GKAP1: variants seen among roughly 807,000 people sequenced by gnomAD.
The protein encoded by GKAP1 is G kinase-anchoring protein 1.
In GKAP1, 31 loss-of-function variants were observed where a neutral mutation model predicts 56.7. The observed-to-expected ratio is 0.55, with a 90% confidence interval of 0.41 to 0.74. The LOEUF is 0.74. Ranked by LOEUF, GKAP1 falls within the 30% of genes least tolerant of loss-of-function variation. The pLI is 0.00. For synonymous variants in GKAP1, 151 were observed against 138.6 expected, an observed-to-expected ratio of 1.09 and a Z score of -0.63; for missense variants, 364 against 402.3, an observed-to-expected ratio of 0.90 and a Z score of 0.82.
At chr9:83,797,981 G>T (rs1434301859) in intron 4 of GKAP1, among the ~76,000 whole-genome samples, 1 of 152,084 alleles carries the variant, frequency 6.6e-6, no homozygotes, top group Admixed American at 6.5e-5. Context: ...CCTAGAAACA[G>T]TACAAGATGA....
At chr9:83,803,684 G>T (rs1302705323) in intron 3 of GKAP1, among the ~76,000 whole-genome samples, 1 of 151,832 alleles carries the variant, frequency 6.6e-6, no homozygotes, top group Non-Finnish European at 1.5e-5. Flanking sequence ...CCCCGTCTGG[G>T]AAGTGAGGAG....
chr9:83,804,861 C>A (rs1446828817), intron 3 of GKAP1, among the ~76,000 whole-genome samples: 2 of 146,320 alleles, frequency 1.4e-5, no homozygotes, highest in Non-Finnish European at 3.0e-5. Flanking sequence ...GTCAGCCCCC[C>A]GCCCGGCCAG....
intron 10 of GKAP1, among the ~76,000 whole-genome samples, chr9:83,746,432 G>T (rs1397663734): frequency 6.6e-6 from 1 of 152,156 alleles, no homozygotes; most frequent in Non-Finnish European, 1.5e-5. Context: ...GCTGGGCGTG[G>T]TGGCTCATGC....
intron 8 of GKAP1, among the ~76,000 whole-genome samples, chr9:83,760,426 T>C (rs1292901321): frequency 1.3e-5 from 2 of 152,132 alleles, no homozygotes; most frequent in African/African-American, 4.8e-5. Flanking sequence ...AGCTGGTGAC[T>C]TCAACACTCC....
intron 4 of GKAP1, among the ~76,000 whole-genome samples, chr9:83,789,733 T>C (rs1467105529): frequency 6.6e-6 from 1 of 151,004 alleles, no homozygotes; most frequent in African/African-American, 2.4e-5. Context: ...TCCTTTTTTT[T>C]CCTCCCAGGA....
intron 2 of GKAP1, among the ~76,000 whole-genome samples, chr9:83,809,355 C>T (rs957817931): frequency 6.6e-6 from 1 of 152,222 alleles, no homozygotes; most frequent in African/African-American, 2.4e-5. Flanking sequence ...CAAGAAACCT[C>T]ATCCGGTGCT....
intron 5 of GKAP1, among the ~76,000 whole-genome samples, chr9:83,787,931 G>A (rs766693368): frequency 6.6e-6 from 1 of 152,134 alleles, no homozygotes; most frequent in Non-Finnish European, 1.5e-5. Flanking sequence ...CCCCTGTACT[G>A]TAATAGCCCA....
intron 8 of GKAP1, among the ~76,000 whole-genome samples, chr9:83,768,082 G>A (rs1305924940): frequency 6.6e-6 from 1 of 152,126 alleles, no homozygotes; most frequent in East Asian, 1.9e-4. Flanking sequence ...TGATTCATGG[G>A]CTATAGCTTG....
chr9:83,801,202 T>A (rs1207697545), intron 3 of GKAP1, among the ~76,000 whole-genome samples: 1 of 152,142 alleles, frequency 6.6e-6, no homozygotes, highest in African/African-American at 2.4e-5. Context: ...AGGCAGAGAT[T>A]GGGGTGAGGA....
intron 4 of GKAP1, among the ~76,000 whole-genome samples, chr9:83,797,114 G>A (rs1944260936): frequency 6.6e-6 from 1 of 152,160 alleles, no homozygotes; most frequent in Non-Finnish European, 1.5e-5. Flanking sequence ...TGTCCATCTG[G>A]TTAGGTGTTT....
At chr9:83,746,845 T>C (rs1472745913) in intron 10 of GKAP1, among the ~76,000 whole-genome samples, 1 of 152,266 alleles carries the variant, frequency 6.6e-6, no homozygotes, top group Non-Finnish European at 1.5e-5. Flanking sequence ...ATGTACAATT[T>C]CAACAAATAT....
At chr9:83,799,384 TG>T in intron 3 of GKAP1, 56 bp from the exon 4 acceptor site, 1 of 1,259,266 alleles carries the variant, frequency 7.9e-7, no homozygotes, top group Non-Finnish European at 1.1e-6. Flanking sequence ...GGGATACTAA[TG>T]ATTTTTTTAA....
chr9:83,789,224 A>G (rs1944114823), intron 4 of GKAP1: 1 of 152,216 alleles, frequency 6.6e-6, no homozygotes, highest in African/African-American at 2.4e-5. Flanking sequence ...GGTTGCTTTA[A>G]GTCATCTAAT....
intron 8 of GKAP1, among the ~76,000 whole-genome samples, chr9:83,757,182 A>C (rs1943491858): frequency 6.6e-6 from 1 of 152,088 alleles, no homozygotes; most frequent in Non-Finnish European, 1.5e-5. Flanking sequence ...AGTGAGAGAG[A>C]GCTTCTGGGA....
intron 2 of GKAP1, among the ~76,000 whole-genome samples, chr9:83,808,571 G>A (rs1944468958): frequency 6.6e-6 from 1 of 152,086 alleles, no homozygotes; most frequent in Admixed American, 6.6e-5. Flanking sequence ...ACTCCAGCCT[G>A]AGCAACGGAG....
chr9:83,779,148 T>C (rs888213503), intron 7 of GKAP1, among the ~76,000 whole-genome samples: 2 of 152,044 alleles, frequency 1.3e-5, no homozygotes, highest in African/African-American at 4.8e-5. Context: ...TTCAAAAGTA[T>C]GTTTTCCACT....
chr9:83,744,587 T>G (rs1943259625), intron 10 of GKAP1, among the ~76,000 whole-genome samples: 1 of 152,266 alleles, frequency 6.6e-6, no homozygotes, highest in Non-Finnish European at 1.5e-5. Flanking sequence ...ACTGCGTTAC[T>G]GTTTTTATTA....
At chr9:83,783,288 G>A (rs545971391) in intron 6 of GKAP1, among the ~76,000 whole-genome samples, 6 of 152,130 alleles carry the variant, frequency 3.9e-5, no homozygotes, top group Non-Finnish European at 7.3e-5. Context: ...CTATTCTGAC[G>A]GGTATAGACA....
At position 83,746,473 on chromosome 9, in the gene GKAP1, C is replaced by T. The variant is rs560076847; in HGVS notation, c.904+1836G>A. On this transcript the variant is annotated intron_variant, in intron 10 of 12. Transcript: ENST00000376371. ...ATCCCAACACTTTGGGAGGCCGAGG[C>T]GGGTGGATCACGAGGTCAGGAGATA... 5.3e-5 allele frequency among the ~76,000 whole-genome samples: 8 copies of T among 152,120 alleles called. No individual in the cohort carries two copies. In the East Asian group the frequency reaches 5.8e-4, roughly 11 times the overall value.
Sources: allele counts gnomAD v4.1 joint callset (sites outside exome capture counted in the v4.1 genomes callset), GRCh38; gene constraint gnomAD v4.1.1; transcripts MANE v1.5; gene names NCBI Gene and HGNC (gene_info 2026-07-23, HGNC 2026-07-21).